The following TRPM3 variants were observed in gnomAD, a reference collection of about 807,000 sequenced individuals.
TRPM3 encodes the protein long transient receptor potential channel 3.
Under a neutral mutation model 181.2 loss-of-function variants are expected in TRPM3, and 77 were observed. The ratio of observed to expected loss-of-function variants is 0.42; its 90% confidence interval spans 0.35 to 0.51. The LOEUF is 0.51. Ranked by LOEUF, TRPM3 falls within the 20% of genes least tolerant of loss-of-function variation. The pLI, the probability that TRPM3 is intolerant of heterozygous loss-of-function variation, is 0.01. For synonymous variants in TRPM3, 745 were observed against 796.4 expected (o/e 0.94, Z 1.09); for missense variants, 1,759 against 2,196.7 (o/e 0.80, Z 3.98).
intron 1 of TRPM3, among the ~76,000 whole-genome samples, chr9:71,433,437 C>T (rs1328453335): frequency 6.6e-6 from 1 of 152,182 alleles, no homozygotes; most frequent in Non-Finnish European, 1.5e-5. Flanking sequence ...CCTCTTCTGC[C>T]ATGATTGTAA....
At chr9:71,424,857 C>T (rs982542440) in intron 1 of TRPM3, among the ~76,000 whole-genome samples, 1 of 152,172 alleles carries the variant, frequency 6.6e-6, no homozygotes, top group Non-Finnish European at 1.5e-5. Flanking sequence ...TCAATGTACA[C>T]ACTGTCTCCA....
intron 6 of TRPM3, chr9:70,824,311 G>T (rs1023477632): frequency 6.6e-6 from 1 of 152,134 alleles, no homozygotes; most frequent in African/African-American, 2.4e-5. Flanking sequence ...TCATTTTCAG[G>T]AAATTGAATT....
chr9:71,047,496 A>C (rs1354730807), intron 1 of TRPM3, among the ~76,000 whole-genome samples: 1 of 152,198 alleles, frequency 6.6e-6, no homozygotes, highest in Non-Finnish European at 1.5e-5. Flanking sequence ...CGCATGTCAC[A>C]TAGAATGTTT....
chr9:71,425,425 G>C (rs2131576751), intron 1 of TRPM3, among the ~76,000 whole-genome samples: 1 of 152,168 alleles, frequency 6.6e-6, no homozygotes, highest in South Asian at 2.1e-4. Context: ...CATCCACCCA[G>C]CTGCTTAAGT....
At position 70,827,835 on chromosome 9, in the gene TRPM3, A is replaced by G. The variant is rs762860751; in HGVS notation, c.973+12T>C. The G allele has an allele frequency of 6.2e-7, 1 of 1,612,890 alleles. No homozygotes were observed. The highest frequency in any genetic ancestry group is 1.3e-5 in the African/African-American group (1 of 75,036). The stretch of plus-strand genomic sequence containing the variant: ...CCTACGAGCCATGCCAGTGGGAACA[A>G]CCGCTACTTACTTGTGTTTATCTTC... On this transcript the variant is annotated intron_variant, in intron 6 of 25. Coordinates refer to ENST00000677713, the MANE Select transcript of TRPM3 (RefSeq NM_001366145.2).
intron 1 of TRPM3, among the ~76,000 whole-genome samples, chr9:71,177,383 T>C (rs905664820): frequency 2.0e-5 from 3 of 152,106 alleles, no homozygotes; most frequent in African/African-American, 2.4e-5. Context: ...TATGGAAAAA[T>C]TGTCTCCCAC....
chr9:71,068,592 T>C (rs2062254749), intron 1 of TRPM3, among the ~76,000 whole-genome samples: 1 of 152,188 alleles, frequency 6.6e-6, no homozygotes, highest in Non-Finnish European at 1.5e-5. Flanking sequence ...CCCCAGATCA[T>C]CTGGGTGTAT....
At chr9:70,610,505 G>A in intron 19 of TRPM3, 104 bp downstream of exon 19, 1 of 1,392,336 alleles carries the variant, frequency 7.2e-7, no homozygotes, top group South Asian at 1.4e-5. Context: ...TCACTCCTGT[G>A]TGTGGCACTT....
At chr9:71,111,986 A>G (rs2071210233) in intron 1 of TRPM3, among the ~76,000 whole-genome samples, 1 of 152,206 alleles carries the variant, frequency 6.6e-6, no homozygotes, top group Non-Finnish European at 1.5e-5. Flanking sequence ...ACCTTGATCC[A>G]TGATACATGA....
At chr9:71,191,789 TA>T (rs1173935355) in intron 1 of TRPM3, among the ~76,000 whole-genome samples, 10 of 19,882 alleles carry the variant, frequency 5.0e-4, no homozygotes, top group Non-Finnish European at 2.4e-3. Context: ...CAACAGAACA[TA>T]TAAAAAAAAA....
chr9:71,027,385 G>T (rs188103267), intron 1 of TRPM3, among the ~76,000 whole-genome samples: 227 of 152,292 alleles, frequency 1.5e-3, no homozygotes, highest in Non-Finnish European at 2.0e-3. Context: ...ACCACCACAA[G>T]AACTTAAAAA....
chr9:71,312,289 A>C (rs77050430), intron 1 of TRPM3, among the ~76,000 whole-genome samples: 2,178 of 152,262 alleles, frequency 0.014, 24 homozygotes, highest in Non-Finnish European at 0.02. Flanking sequence ...GATGACAAAC[A>C]AGCGTAAAGA....
chr9:71,149,697 G>T (rs1446412813), intron 1 of TRPM3, among the ~76,000 whole-genome samples: 2 of 152,120 alleles, frequency 1.3e-5, no homozygotes, highest in African/African-American at 2.4e-5. Context: ...AAAAAGCCTG[G>T]GCATAATGTC....
chr9:71,287,090 A>G (rs867801056), intron 1 of TRPM3, among the ~76,000 whole-genome samples: 20 of 143,918 alleles, frequency 1.4e-4, no homozygotes, highest in African/African-American at 4.8e-4. Context: ...AAATTATATT[A>G]TATGATATAA....
Position 71,089,230 on chromosome 9 carries a change from C to T in TRPM3, c.177+31948G>A, listed in dbSNP as rs560990945. ...ATATTCATATATAACATTATATTTG[C>T]TTATAGTGTTATATAGTTTGCTATA... On this transcript the variant is annotated intron_variant, in intron 1 of 25. Coordinates refer to ENST00000677713, the MANE Select transcript of TRPM3 (RefSeq NM_001366145.2). Among the ~76,000 whole-genome samples the T allele has an allele frequency of 4.9e-4, 73 of 148,586 alleles. 1 individual carries two copies. Among genetic ancestry groups the T allele is most frequent in the African/African-American group, 1.4e-3 (56 of 40,740 alleles).
At chr9:71,295,838 CAAA>C (rs11383819) in intron 1 of TRPM3, among the ~76,000 whole-genome samples, 4 of 86,640 alleles carry the variant, frequency 4.6e-5, no homozygotes, top group Admixed American at 1.4e-4. Context: ...GATCCCGTCT[CAAA>C]AAAAAAAAAA....
At chr9:71,174,131 A>C (rs1587782739) in intron 1 of TRPM3, among the ~76,000 whole-genome samples, 1 of 152,214 alleles carries the variant, frequency 6.6e-6, no homozygotes, top group Admixed American at 6.5e-5. Flanking sequence ...GAAATAAAAA[A>C]TCATTAGGGG....
chr9:71,165,217 C>A (rs530074913), intron 1 of TRPM3, among the ~76,000 whole-genome samples: 10 of 152,140 alleles, frequency 6.6e-5, no homozygotes, highest in African/African-American at 2.4e-4. Flanking sequence ...GCTGAAATTA[C>A]AACAATAATA....
At chr9:71,113,122 T>C (rs1210847529) in intron 1 of TRPM3, among the ~76,000 whole-genome samples, 1 of 152,206 alleles carries the variant, frequency 6.6e-6, no homozygotes, top group Non-Finnish European at 1.5e-5. Context: ...CCTCTTGGTC[T>C]TACTTGCATT....
Sources: allele counts gnomAD v4.1 joint callset (sites outside exome capture counted in the v4.1 genomes callset), GRCh38; gene constraint gnomAD v4.1.1; transcripts MANE v1.5; gene names NCBI Gene and HGNC (gene_info 2026-07-23, HGNC 2026-07-21).